Variants in CTTNBP2 observed in about 807,000 individuals in gnomAD.
CTTNBP2 encodes the protein cortactin-binding protein 2.
CTTNBP2 carries 108 observed loss-of-function variants against 156.9 expected under a neutral mutation model. That is an observed-to-expected ratio of 0.69 (90% confidence interval 0.59 to 0.81). The LOEUF (loss-of-function observed/expected upper bound fraction) is 0.81, where lower values mean the gene tolerates loss of function less well. CTTNBP2 is among the 30% of genes least tolerant of loss of function. The probability of loss-of-function intolerance (pLI) is 0.00; values close to 1 mark genes in which losing one functional copy is unlikely to be tolerated. For synonymous variants in CTTNBP2, 767 were observed against 751.8 expected (o/e 1.02, Z -0.33); for missense variants, 1,924 against 2,035.4 (o/e 0.95, Z 1.05).
intron 14 of CTTNBP2, among the ~76,000 whole-genome samples, chr7:117,739,356 T>C (rs1423496152): frequency 6.6e-6 from 1 of 152,200 alleles, no homozygotes; most frequent in African/African-American, 2.4e-5. Flanking sequence ...GGTTCCTTTT[T>C]ACCTTCGGCC....
chr7:117,802,464 C>CAA (rs1289453039), intron 3 of CTTNBP2, among the ~76,000 whole-genome samples: 2 of 116,122 alleles, frequency 1.7e-5, no homozygotes, highest in Non-Finnish European at 3.9e-5. Context: ...AAAACAAAAA[C>CAA]AAACAAACAA....
chr7:117,840,024 C>T (rs377492107), intron 2 of CTTNBP2, among the ~76,000 whole-genome samples: 2 of 152,248 alleles, frequency 1.3e-5, no homozygotes, highest in African/African-American at 2.4e-5. Flanking sequence ...TACATACACA[C>T]GTTTATATGT....
intron 2 of CTTNBP2, among the ~76,000 whole-genome samples, chr7:117,852,222 C>T (rs1464500201): frequency 6.6e-6 from 1 of 151,704 alleles, no homozygotes; most frequent in African/African-American, 2.4e-5. Flanking sequence ...CATACAACAG[C>T]CTTTCATGGA....
At chr7:117,835,895 T>C (rs1363023449) in intron 2 of CTTNBP2, among the ~76,000 whole-genome samples, 1 of 152,170 alleles carries the variant, frequency 6.6e-6, no homozygotes, top group Non-Finnish European at 1.5e-5. Flanking sequence ...CAGTTTCTCA[T>C]GTGTAAACTA....
intron 2 of CTTNBP2, among the ~76,000 whole-genome samples, chr7:117,819,595 T>G (rs1018990552): frequency 6.6e-6 from 1 of 152,164 alleles, no homozygotes; most frequent in African/African-American, 2.4e-5. Context: ...AGGGTTCATT[T>G]CAGTGTCTGC....
chr7:117,838,966 G>T (rs893942213), intron 2 of CTTNBP2, among the ~76,000 whole-genome samples: 1 of 73,908 alleles, frequency 1.4e-5, no homozygotes, highest in African/African-American at 5.9e-5. Context: ...CATTGCGGGG[G>T]CGGGGGGGGG....
chr7:117,735,625 A>G (rs1795646656), intron 14 of CTTNBP2, among the ~76,000 whole-genome samples: 1 of 152,240 alleles, frequency 6.6e-6, no homozygotes, highest in South Asian at 2.1e-4. Context: ...ATGATCCAAC[A>G]TTCCTTGTTC....
At chr7:117,753,193 C>T (rs1796708549) in intron 12 of CTTNBP2, among the ~76,000 whole-genome samples, 1 of 152,078 alleles carries the variant, frequency 6.6e-6, no homozygotes, top group East Asian at 1.9e-4. Context: ...CAAATCAAAA[C>T]CACAATGAGA....
chr7:117,865,794 T>C lies in CTTNBP2; in HGVS notation c.82-4478A>G, dbSNP rs552545967. ...CAGAAAAAGTGCTTAACACCTAGTT[T>C]TAAAAATCTGGCATGGCAGCTTCAA... is the stretch of plus-strand genomic sequence containing the variant. On this transcript the variant is annotated intron_variant, in intron 1 of 22. Coordinates refer to ENST00000160373, the MANE Select transcript of CTTNBP2 (RefSeq NM_033427.3). 2.7e-5 allele frequency among the ~76,000 whole-genome samples: 4 copies of C among 150,634 alleles called. No individual in the cohort carries two copies. In the South Asian group the frequency reaches 8.3e-4, roughly 31 times the overall value.
intron 2 of CTTNBP2, among the ~76,000 whole-genome samples, chr7:117,822,459 C>G (rs1801022900): frequency 6.6e-6 from 1 of 152,068 alleles, no homozygotes; most frequent in South Asian, 2.1e-4. Flanking sequence ...TAAAGTAGAA[C>G]CATAGGTCAT....
intron 2 of CTTNBP2, among the ~76,000 whole-genome samples, chr7:117,838,905 C>G (rs1052048126): frequency 7.1e-5 from 9 of 126,346 alleles, no homozygotes; most frequent in Non-Finnish European, 1.1e-4. Flanking sequence ...CTTAGAATTT[C>G]TTCATTTCTT....
At chr7:117,717,950 AG>A in intron 22 of CTTNBP2, 67 bp downstream of exon 22, 1 of 968,374 alleles carries the variant, frequency 1.0e-6, no homozygotes, top group East Asian at 2.4e-5. Flanking sequence ...TCACACTGAA[AG>A]ATGATTTGTG....
chr7:117,861,282 G>A lies in CTTNBP2; in HGVS notation c.116C>T (p.Ser39Phe). The A allele has an allele frequency of 6.2e-7, 1 of 1,613,398 alleles. No individual in the cohort carries two copies. The highest frequency in any genetic ancestry group is 8.5e-7 in the Non-Finnish European group (1 of 1,179,742). ...CACGCTGAGGAGCATCCGCAGCTCG[G>A]ATTTACTGAGAGTATCCACATCAAA... ...KEFDVDTLSKSELRMLLSVME... is the reference protein window; with the variant it reads ...KEFDVDTLSKFELRMLLSVME... The change falls in exon 2 of 23, where the codon TCC becomes TTC. Residue 39 changes from serine to phenylalanine, a missense_variant. Transcript: ENST00000160373.
intron 2 of CTTNBP2, among the ~76,000 whole-genome samples, chr7:117,813,226 G>A (rs1800390913): frequency 6.6e-6 from 1 of 152,182 alleles, no homozygotes; most frequent in South Asian, 2.1e-4. Flanking sequence ...TTGCACTGCT[G>A]GGACCCCTTC....
At position 117,717,998 on chromosome 7, in the gene CTTNBP2, G is replaced by T. The variant is rs1400030873; in HGVS notation, c.4746+20C>A. The T allele has an allele frequency of 7.1e-6, 10 of 1,407,488 alleles. No individual in the cohort carries two copies. The Admixed American group carries it at 1.3e-4, about 19-fold the overall frequency. The allele number at this position is 1,407,488 out of a possible 1,614,324, so 87.2% of individuals were successfully genotyped here. A position where few individuals can be genotyped will look rare whatever the true frequency, so the allele number is the denominator to read the frequency against. ...ACAGCAATCATCCTTTGTTCACTTT[G>T]GGGAGAAAGGGACACTTACCTTTTG... is the stretch of plus-strand genomic sequence containing the variant. On this transcript the variant is annotated intron_variant, in intron 22 of 22. Coordinates refer to ENST00000160373, the MANE Select transcript of CTTNBP2 (RefSeq NM_033427.3).
intron 16 of CTTNBP2, among the ~76,000 whole-genome samples, chr7:117,732,748 G>T (rs1343912702): frequency 6.6e-6 from 1 of 151,018 alleles, no homozygotes; most frequent in Admixed American, 6.6e-5. Flanking sequence ...AAGTAATTAT[G>T]ATATTAAGAC....
intron 19 of CTTNBP2, 80 bp from the exon 20 acceptor site, chr7:117,721,210 G>A (rs1794770789): frequency 1.2e-6 from 1 of 860,180 alleles, no homozygotes; most frequent in East Asian, 2.4e-5. Context: ...AACAGACTGT[G>A]GACTTTGCAG....
chr7:117,828,053 TAAC>T (rs986550742), intron 2 of CTTNBP2, among the ~76,000 whole-genome samples: 1 of 152,138 alleles, frequency 6.6e-6, no homozygotes, highest in African/African-American at 2.4e-5. Context: ...AGAAAGATCT[TAAC>T]ATTCTCACCA....
At chr7:117,822,942 TATG>T (rs1228061723) in intron 2 of CTTNBP2, among the ~76,000 whole-genome samples, 2 of 152,238 alleles carry the variant, frequency 1.3e-5, no homozygotes, top group Non-Finnish European at 2.9e-5. Context: ...TAAAAGCTAC[TATG>T]ATTATGAAAT....
Sources: gnomAD v4.1 joint callset for allele counts (sites outside exome capture counted in the v4.1 genomes callset) on GRCh38, gnomAD v4.1.1 for gene constraint, MANE v1.5 for transcripts, NCBI Gene and HGNC (gene_info 2026-07-23, HGNC 2026-07-21) for gene names.